Variants in CDS2 observed in about 807,000 individuals in gnomAD.
CDS2 encodes CDP-diacylglycerol synthase 2.
A neutral mutation model predicts 59.0 loss-of-function variants in CDS2; 47 were observed. The observed-to-expected ratio is 0.80, with a 90% CI of 0.63 to 1.02. The LOEUF is 1.02. Ranked by LOEUF, CDS2 falls within the 50% of genes least tolerant of loss-of-function variation. The probability of loss-of-function intolerance (pLI) is 0.00; values close to 1 mark genes in which losing one functional copy is unlikely to be tolerated. For missense variants in CDS2, 356 were observed against 558.9 expected, an observed-to-expected ratio of 0.64 and a Z score of 3.66; for synonymous variants, 207 against 206.4, an observed-to-expected ratio of 1.00 and a Z score of -0.02.
intron 1 of CDS2, among the ~76,000 whole-genome samples, chr20:5,138,215 G>C (rs780066572): frequency 1.8e-4 from 27 of 150,826 alleles, no homozygotes; most frequent in Non-Finnish European, 3.1e-4. Context: ...GCCTCCTAAA[G>C]TGCTGGGATT....
chr20:5,159,257 A>T (rs892294879), intron 1 of CDS2, among the ~76,000 whole-genome samples: 4 of 151,688 alleles, frequency 2.6e-5, no homozygotes, highest in African/African-American at 9.7e-5. Flanking sequence ...TACATGTGCC[A>T]TGTTGGTGTG....
Position 5,189,899 on chromosome 20 carries a change from A to G in CDS2, c.1205+61A>G, listed in dbSNP as rs138926936. The G allele has an allele frequency of 2.3e-4, 333 of 1,439,584 alleles. 2 individuals are homozygous for G. In the African/African-American group the frequency reaches 4.4e-3, roughly 19 times the overall value. The allele number at this position is 1,439,584 out of a possible 1,614,324, so 89.2% of individuals were successfully genotyped here. A position where few individuals can be genotyped will look rare whatever the true frequency, so the allele number is the denominator to read the frequency against. ...TTTTTAAGTACGGTGCAATTCTAGA[A>G]TTTTAGCGGCATCTAAGTTCCAGTG... On this transcript the variant is annotated intron_variant, in intron 12 of 12. Coordinates refer to ENST00000460006, the MANE Select transcript of CDS2 (RefSeq NM_003818.4).
At chr20:5,135,650 A>G (rs7267176) in intron 1 of CDS2, among the ~76,000 whole-genome samples, 6,012 of 152,092 alleles carry the variant, frequency 0.04, 402 homozygotes, top group African/African-American at 0.14. Flanking sequence ...TATGGTCCCC[A>G]CCGGGCAGCT....
intron 1 of CDS2, among the ~76,000 whole-genome samples, chr20:5,156,574 A>G (rs770666996): frequency 1.7e-4 from 26 of 152,176 alleles, no homozygotes; most frequent in Non-Finnish European, 3.2e-4. Context: ...GGAAGAACTG[A>G]GAAGATGTCA....
At position 5,197,773 on chromosome 20, in the gene CDS2, G is replaced by A. The variant is rs924138935; in HGVS notation, c.*7539G>A. On this transcript the variant is annotated 3_prime_UTR_variant, in exon 13 of 13. Coordinates refer to ENST00000460006, the MANE Select transcript of CDS2 (RefSeq NM_003818.4). The stretch of plus-strand genomic sequence containing the variant: ...TCGTGATCCATGTTGAACAATACAT[G>A]TAGGTTCTTTTTCCACGCAATGTAA... 6 of 152,146 alleles carry A rather than the reference G, an allele frequency of 3.9e-5. No individual in the cohort carries two copies. The highest frequency in any genetic ancestry group is 1.2e-4 in the African/African-American group (5 of 41,402). The allele number at this position is 152,146 out of a possible 1,614,324, so 9.4% of individuals were successfully genotyped here. A position where few individuals can be genotyped will look rare whatever the true frequency, so the allele number is the denominator to read the frequency against.
intron 1 of CDS2, among the ~76,000 whole-genome samples, chr20:5,145,826 T>TTTTTTTTTTTTG (rs2090738346): frequency 1.3e-5 from 2 of 148,216 alleles, no homozygotes; most frequent in African/African-American, 4.9e-5. Context: ...TTTTGTGTTT[T>TTTTTTTTTTTTG]TTTTTTTTTT....
At chr20:5,145,782 C>T (rs2090737221) in intron 1 of CDS2, among the ~76,000 whole-genome samples, 1 of 149,150 alleles carries the variant, frequency 6.7e-6, no homozygotes, top group Admixed American at 6.7e-5. Context: ...TATCTCCTAT[C>T]TTCTGCAGGA....
At position 5,141,472 on chromosome 20, in the gene CDS2, T is replaced by C. The variant is rs534912452; in HGVS notation, c.57+14323T>C. On this transcript the variant is annotated intron_variant, in intron 1 of 12. Transcript: ENST00000460006. ...TGCTGGGGGGGTGGTGCACCCCAGC[T>C]CCACTGGGACAGAAGCTCTTGCACT... Among the ~76,000 whole-genome samples, 4 of 152,294 alleles carry C rather than the reference T, an allele frequency of 2.6e-5. No individual in the cohort carries two copies. The South Asian group carries it at 8.3e-4, about 32-fold the overall frequency.
intron 1 of CDS2, among the ~76,000 whole-genome samples, chr20:5,131,382 T>A (rs1460566209): frequency 6.6e-6 from 1 of 152,060 alleles, no homozygotes; most frequent in Non-Finnish European, 1.5e-5. Context: ...AAACTTGGAG[T>A]TTAGGCTTTG....
chr20:5,138,116 A>ATTT (rs11475285), intron 1 of CDS2, among the ~76,000 whole-genome samples: 26 of 143,288 alleles, frequency 1.8e-4, no homozygotes, highest in Non-Finnish European at 2.4e-4. Flanking sequence ...ATTTCTTTAA[A>ATTT]TTTTTTTTTT....
intron 1 of CDS2, chr20:5,168,511 G>C: frequency 2.1e-6 from 1 of 470,978 alleles, no homozygotes; most frequent in Non-Finnish European, 4.3e-6. Flanking sequence ...AGTGCCCAAG[G>C]GATTCTCTCT....
intron 1 of CDS2, among the ~76,000 whole-genome samples, chr20:5,145,180 G>C (rs182501665): frequency 1.3e-5 from 2 of 151,092 alleles, no homozygotes; most frequent in Admixed American, 1.3e-4. Flanking sequence ...TGGGCGCGTA[G>C]ATGGAGTCTT....
At chr20:5,159,912 A>T (rs1015652982) in intron 1 of CDS2, among the ~76,000 whole-genome samples, 11 of 152,224 alleles carry the variant, frequency 7.2e-5, no homozygotes, top group Admixed American at 5.2e-4. Context: ...TTACTGACAC[A>T]TTTTTAAAAA....
intron 1 of CDS2, among the ~76,000 whole-genome samples, chr20:5,171,715 G>C (rs1368245569): frequency 6.6e-6 from 1 of 152,182 alleles, no homozygotes; most frequent in Admixed American, 6.5e-5. Flanking sequence ...TGAGAGTTTG[G>C]TTATGTCGCT....
chr20:5,183,182 A>G (rs6053181), intron 7 of CDS2, 39 bp downstream of exon 7: 34,777 of 1,569,080 alleles, frequency 0.022, 926 homozygotes, highest in East Asian at 0.098. Flanking sequence ...TTATTTTGTG[A>G]GTGTTTCTCG....
intron 1 of CDS2, among the ~76,000 whole-genome samples, chr20:5,159,415 G>A (rs910935301): frequency 1.3e-4 from 19 of 145,484 alleles, no homozygotes; most frequent in Non-Finnish European, 5.9e-5. Flanking sequence ...TGACTCAATG[G>A]TCTTGATAAA....
At chr20:5,132,022 A>G (rs1359238189) in intron 1 of CDS2, among the ~76,000 whole-genome samples, 1 of 152,122 alleles carries the variant, frequency 6.6e-6, no homozygotes, top group Non-Finnish European at 1.5e-5. Context: ...GAACCTATTC[A>G]TATTCATTAC....
rs149850561 is a variant in CDS2 at position 5,183,091 on chromosome 20, G to A, written c.619G>A (p.Val207Ile). Residue 207 changes from valine (V) to isoleucine (I), a missense_variant, in exon 7 of 13, where the codon GTT becomes ATT. Physicochemically the swap from Val to Ile is conservative, Grantham distance 29. This residue lies in a region of CDS2 where 87 missense variants were observed against 193.3 expected (regional missense o/e 0.45). Transcript: ENST00000460006. ...FGWTHVTLLI[V>I]VTQSHLVIHN... ...CTGGACCCATGTGACATTGCTGATTGTTGTAACACAGTCACATCTTGTTAT... is the reference window on the plus strand; with the variant it reads ...CTGGACCCATGTGACATTGCTGATTATTGTAACACAGTCACATCTTGTTAT... The A allele has an allele frequency of 6.2e-7, 1 of 1,613,892 alleles. No homozygotes were observed. The highest frequency in any genetic ancestry group is 1.3e-5 in the African/African-American group (1 of 74,898).
At chr20:5,133,372 C>T (rs1002768626) in intron 1 of CDS2, among the ~76,000 whole-genome samples, 8 of 151,972 alleles carry the variant, frequency 5.3e-5, no homozygotes. Flanking sequence ...CTACCTCAGT[C>T]TCCTGAGTAG....
Sources: gnomAD v4.1 joint callset for allele counts (sites outside exome capture counted in the v4.1 genomes callset) on GRCh38, gnomAD v4.1.1 for gene constraint, gnomAD v4.1.1 regional missense constraint, MANE v1.5 for transcripts, NCBI Gene and HGNC (gene_info 2026-07-23, HGNC 2026-07-21) for gene names.